Variants in NF2 observed in about 807,000 individuals in gnomAD.
The protein encoded by NF2 is merlin.
In NF2, 8 loss-of-function variants were observed where a neutral mutation model predicts 83.7. The ratio of observed to expected loss-of-function variants is 0.10; its 90% CI spans 0.06 to 0.17. The LOEUF is 0.17. Ranked by LOEUF, NF2 falls within the 10% of genes least tolerant of loss-of-function variation. NF2 has a pLI of 1.00. For synonymous variants in NF2, 266 were observed against 269.6 expected, an observed-to-expected ratio of 0.99 and a Z score of 0.13; for missense variants, 533 against 744.4, an observed-to-expected ratio of 0.72 and a Z score of 3.31.
chr22:29,693,615 A>G (rs943840688), intron 15 of NF2, among the ~76,000 whole-genome samples: 3 of 152,212 alleles, frequency 2.0e-5, no homozygotes, highest in Admixed American at 2.0e-4. Flanking sequence ...AGAGGCTCAG[A>G]GAGGTCAGGG....
intron 4 of NF2, among the ~76,000 whole-genome samples, chr22:29,643,821 G>C (rs1390932920): frequency 6.6e-6 from 1 of 152,202 alleles, no homozygotes; most frequent in Non-Finnish European, 1.5e-5. Flanking sequence ...CTCCCAGACG[G>C]GGTGGTGGCC....
chr22:29,677,596 G>A (rs2067004423), intron 13 of NF2, among the ~76,000 whole-genome samples: 1 of 151,422 alleles, frequency 6.6e-6, no homozygotes, highest in African/African-American at 2.4e-5. Context: ...GGAGCCCTTT[G>A]TGGTGGTGCC....
chr22:29,640,186 C>T (rs1358890521), intron 3 of NF2, among the ~76,000 whole-genome samples: 1 of 108,496 alleles, frequency 9.2e-6, no homozygotes, highest in Non-Finnish European at 1.8e-5. Flanking sequence ...CAGAGTGAGA[C>T]TCTGTCTTAA....
chr22:29,678,129 TCAACAC>T, intron 13 of NF2, 61 bp from the exon 14 acceptor site: 1 of 1,606,414 alleles, frequency 6.2e-7, no homozygotes, highest in Admixed American at 1.7e-5. Flanking sequence ...GGATCGGTTG[TCAACAC>T]AGTAGTGTCC....
chr22:29,616,398 T>A (rs2146734078), intron 1 of NF2, among the ~76,000 whole-genome samples: 1 of 152,328 alleles, frequency 6.6e-6, no homozygotes, highest in Middle Eastern at 3.4e-3. Flanking sequence ...AAGAAAACTT[T>A]ATGGACACAG....
At chr22:29,623,191 C>G (rs761776097) in intron 1 of NF2, among the ~76,000 whole-genome samples, 1 of 150,484 alleles carries the variant, frequency 6.6e-6, no homozygotes, top group Non-Finnish European at 1.5e-5. Context: ...GCGATCCTTC[C>G]GCCTCAGCCT....
At chr22:29,614,631 C>T (rs983969900) in intron 1 of NF2, among the ~76,000 whole-genome samples, 6 of 151,286 alleles carry the variant, frequency 4.0e-5, no homozygotes, top group Non-Finnish European at 7.4e-5. Context: ...CCTGTAATCA[C>T]AGCTACTTGG....
chr22:29,620,842 G>T (rs1456845892), intron 1 of NF2, among the ~76,000 whole-genome samples: 1 of 152,138 alleles, frequency 6.6e-6, no homozygotes, highest in Non-Finnish European at 1.5e-5. Flanking sequence ...TTATAGGTGT[G>T]AACCACCACA....
chr22:29,650,464 T>TTGTTC (rs1196985113), intron 4 of NF2, among the ~76,000 whole-genome samples: 2 of 152,202 alleles, frequency 1.3e-5, no homozygotes, highest in African/African-American at 4.8e-5. Context: ...TTGTATTTCT[T>TTGTTC]TGTTCTGTGA....
intron 4 of NF2, among the ~76,000 whole-genome samples, chr22:29,648,233 C>G (rs1569289231): frequency 1.3e-5 from 2 of 151,272 alleles, no homozygotes. Context: ...AGAGGTGAAC[C>G]CCAATATAAA....
intron 4 of NF2, among the ~76,000 whole-genome samples, chr22:29,651,891 A>G (rs970676953): frequency 5.9e-5 from 9 of 152,168 alleles, no homozygotes; most frequent in African/African-American, 2.2e-4. Context: ...GAGATTTGCA[A>G]ATGCAACTAA....
intron 4 of NF2, among the ~76,000 whole-genome samples, chr22:29,646,802 G>A (rs1196139710): frequency 6.6e-6 from 1 of 152,168 alleles, no homozygotes; most frequent in Non-Finnish European, 1.5e-5. Context: ...CTAGCACTTT[G>A]GGAGGCCAAG....
chr22:29,641,309 C>T (rs188019006), intron 3 of NF2, among the ~76,000 whole-genome samples: 2 of 152,254 alleles, frequency 1.3e-5, no homozygotes, highest in East Asian at 1.9e-4. Flanking sequence ...TGTGTTTGAA[C>T]GTAAACACCT....
Position 29,695,889 on chromosome 22 carries a change from C to T in NF2, c.*1087C>T, listed in dbSNP as rs148973148. 784 of 233,514 alleles carry T rather than the reference C, an allele frequency of 3.4e-3. 5 individuals are homozygous for T. The highest frequency in any genetic ancestry group is 0.029 in the Middle Eastern group (23 of 790). The allele number at this position is 233,514 out of a possible 1,614,324, so 14.5% of individuals were successfully genotyped here. A position where few individuals can be genotyped will look rare whatever the true frequency, so the allele number is the denominator to read the frequency against. ...TCTTCGGGCCCTGAATTTTCTGTTC[C>T]CTGGGGGCCAGCCAGGGCCCTTTGT... On this transcript the variant is annotated 3_prime_UTR_variant, in exon 16 of 16. Transcript: ENST00000338641. The surrounding 1 kb of genome is among the most constrained non-coding windows in gnomAD (Gnocchi z 5.4).
intron 8 of NF2, among the ~76,000 whole-genome samples, chr22:29,663,627 G>T (rs1016261070): frequency 1.3e-5 from 2 of 152,180 alleles, no homozygotes; most frequent in African/African-American, 4.8e-5. Flanking sequence ...CAAAATTCAT[G>T]AATAGCAGCC....
intron 4 of NF2, among the ~76,000 whole-genome samples, chr22:29,653,300 C>T (rs911543712): frequency 6.6e-6 from 1 of 151,674 alleles, no homozygotes; most frequent in Non-Finnish European, 1.5e-5. Flanking sequence ...AGAAATTAGC[C>T]CGGGGTGGTG....
chr22:29,677,612 C>T (rs540170890), intron 13 of NF2, among the ~76,000 whole-genome samples: 1 of 152,268 alleles, frequency 6.6e-6, no homozygotes, highest in South Asian at 2.1e-4. Context: ...GTGCCCATCT[C>T]CCACCCCACC....
At position 29,697,771 on chromosome 22, in the gene NF2, G is replaced by A. The variant is rs1054402161; in HGVS notation, c.*2969G>A. On this transcript the variant is annotated 3_prime_UTR_variant, in exon 16 of 16. Coordinates refer to ENST00000338641, the MANE Select transcript of NF2 (RefSeq NM_000268.4). ...AGTGGAGACGGGGTTTCTCCATGTCGGTCAGGCTGGTCTCGAACTCCCGAC... is the reference window on the plus strand; with the variant it reads ...AGTGGAGACGGGGTTTCTCCATGTCAGTCAGGCTGGTCTCGAACTCCCGAC... 6.2e-5 allele frequency: 11 copies of A among 177,508 alleles called. No homozygotes were observed. The highest frequency in any genetic ancestry group is 2.4e-4 in the African/African-American group (10 of 42,142). The allele number at this position is 177,508 out of a possible 1,614,324, so 11.0% of individuals were successfully genotyped here.
At chr22:29,681,121 G>A (rs2067121388) in intron 14 of NF2, among the ~76,000 whole-genome samples, 1 of 151,590 alleles carries the variant, frequency 6.6e-6, no homozygotes, top group East Asian at 1.9e-4. Context: ...CAACTCCTGG[G>A]CTCAAGCAAT....
Sources: gnomAD v4.1 joint callset for allele counts (sites outside exome capture counted in the v4.1 genomes callset) on GRCh38, gnomAD v4.1.1 for gene constraint, Gnocchi (gnomAD v3.1) non-coding constraint, MANE v1.5 for transcripts, NCBI Gene and HGNC (gene_info 2026-07-23, HGNC 2026-07-21) for gene names.